Variants in KCNN2 observed in about 807,000 individuals in gnomAD.
The protein encoded by KCNN2 is small conductance calcium-activated potassium channel protein 2.
KCNN2 carries 24 observed loss-of-function variants against 55.5 expected under a neutral mutation model. The observed-to-expected ratio is 0.43, with a 90% CI of 0.31 to 0.61. The LOEUF (loss-of-function observed/expected upper bound fraction) is 0.61, where lower values mean the gene tolerates loss of function less well. Ranked by LOEUF, KCNN2 falls within the 20% of genes least tolerant of loss-of-function variation. The pLI, the probability that KCNN2 is intolerant of heterozygous loss-of-function variation, is 0.08. For missense variants in KCNN2, 754 were observed against 853.6 expected (o/e 0.88, Z 1.45); for synonymous variants, 431 against 336.1 (o/e 1.28, Z -3.09).
intron 1 of KCNN2, among the ~76,000 whole-genome samples, chr5:114,171,957 C>G (rs1753041996): frequency 6.6e-6 from 1 of 151,708 alleles, no homozygotes; most frequent in Non-Finnish European, 1.5e-5. Context: ...TAGTATGGAG[C>G]CCTCTTGTTG....
chr5:114,423,348 A>G (rs891006870), intron 3 of KCNN2, among the ~76,000 whole-genome samples: 10 of 152,216 alleles, frequency 6.6e-5, no homozygotes, highest in African/African-American at 2.4e-4. Flanking sequence ...CAGCCCCCAA[A>G]AAAGACACAA....
intron 1 of KCNN2, among the ~76,000 whole-genome samples, chr5:114,167,951 C>T (rs1752950126): frequency 6.6e-6 from 1 of 152,030 alleles, no homozygotes. Flanking sequence ...TTTTATTTAG[C>T]ATATTGATTT....
chr5:114,229,887 A>G lies in KCNN2; in HGVS notation c.-185+8322A>G, dbSNP rs968675500. ...GGAAGGAGAGGCTGAAACAGAAACA[A>G]ACCCTAGAAATGGACTTAAGCCTGC... is the stretch of plus-strand genomic sequence containing the variant. On this transcript the variant is annotated intron_variant, in intron 2 of 10. Transcript: ENST00000512097. Among the ~76,000 whole-genome samples the G allele has an allele frequency of 2.6e-5, 4 of 152,164 alleles. No homozygotes were observed. In the East Asian group the frequency reaches 5.8e-4, roughly 22 times the overall value.
At chr5:114,452,541 C>G (rs573050514) in intron 3 of KCNN2, among the ~76,000 whole-genome samples, 1 of 152,298 alleles carries the variant, frequency 6.6e-6, no homozygotes, top group East Asian at 1.9e-4. Flanking sequence ...TAGATGTTCA[C>G]CATGTTATTG....
chr5:114,265,339 GT>G (rs1429168208), intron 2 of KCNN2, among the ~76,000 whole-genome samples: 2 of 21,524 alleles, frequency 9.3e-5, no homozygotes, highest in Non-Finnish European at 2.5e-4. Context: ...GTGTGTGTGT[GT>G]GTGTGTGTGT....
upstream of KCNN2, among the ~76,000 whole-genome samples, chr5:114,360,574 T>C (rs910433192): frequency 6.6e-6 from 1 of 152,152 alleles, no homozygotes; most frequent in Non-Finnish European, 1.5e-5. Flanking sequence ...CACAAAGAAA[T>C]GCAAATGTAA....
At chr5:114,298,159 A>G (rs1265731178) in intron 2 of KCNN2, among the ~76,000 whole-genome samples, 1 of 152,236 alleles carries the variant, frequency 6.6e-6, no homozygotes, top group Non-Finnish European at 1.5e-5. Context: ...CAACAGGCTC[A>G]GGAAAAGAAA....
chr5:114,480,889 G>A (rs991008746), intron 5 of KCNN2, among the ~76,000 whole-genome samples: 1 of 152,146 alleles, frequency 6.6e-6, no homozygotes, highest in Non-Finnish European at 1.5e-5. Flanking sequence ...AGCCGTCTAT[G>A]ACAAATCCAC....
At chr5:114,462,877 C>T (rs1490000504) in intron 3 of KCNN2, among the ~76,000 whole-genome samples, 172 bp from the exon 4 acceptor site, 1 of 152,112 alleles carries the variant, frequency 6.6e-6, no homozygotes, top group Non-Finnish European at 1.5e-5. Context: ...TTTCTGATGT[C>T]GTGGATTGCT....
intron 1 of KCNN2, among the ~76,000 whole-genome samples, chr5:114,139,832 T>G (rs1484557197): frequency 1.3e-5 from 2 of 151,920 alleles, no homozygotes; most frequent in Non-Finnish European, 1.5e-5. Flanking sequence ...GTGTATAATA[T>G]CCACAATTAA....
chr5:114,072,317 C>T (rs1191144535), intron 1 of KCNN2, among the ~76,000 whole-genome samples: 2 of 151,620 alleles, frequency 1.3e-5, no homozygotes, highest in Non-Finnish European at 2.9e-5. Context: ...TAATGTCGAT[C>T]CCTTCTTGCT....
rs559278733 is a variant in KCNN2 at position 114,195,357 on chromosome 5, ATTTCT to A, written c.-270-26119_-270-26115del. On this transcript the variant is annotated intron_variant, in intron 1 of 10. Transcript: ENST00000512097. ...TTTCAATTTATTTGGATTTTCTTTAATTTCTTTTAACAATATTTGTAGTTTTAAGG... is the reference window on the plus strand; with the variant it reads ...TTTCAATTTATTTGGATTTTCTTTAATTTAACAATATTTGTAGTTTTAAGG... Among the ~76,000 whole-genome samples the A allele has an allele frequency of 2.9e-3, 442 of 151,966 alleles. 2 individuals carry two copies. The highest frequency in any genetic ancestry group is 0.01 in the African/African-American group (424 of 41,498).
chr5:114,257,738 G>T (rs1226023014), intron 2 of KCNN2, among the ~76,000 whole-genome samples: 2 of 152,132 alleles, frequency 1.3e-5, no homozygotes, highest in African/African-American at 4.8e-5. Flanking sequence ...ATCAGATATA[G>T]AAGTTTTTTG....
chr5:114,489,899 C>T (rs529569467), intron 6 of KCNN2, among the ~76,000 whole-genome samples: 1 of 152,288 alleles, frequency 6.6e-6, no homozygotes, highest in Non-Finnish European at 1.5e-5. Context: ...TCACTCCTGG[C>T]CTCTCCTACT....
chr5:114,173,969 C>G (rs1753090081), intron 1 of KCNN2, among the ~76,000 whole-genome samples: 1 of 151,792 alleles, frequency 6.6e-6, no homozygotes, highest in Non-Finnish European at 1.5e-5. Flanking sequence ...TTTATTTTAA[C>G]TTTTCTGAAA....
chr5:114,343,655 C>G (rs1757057039), intron 2 of KCNN2, among the ~76,000 whole-genome samples: 1 of 151,674 alleles, frequency 6.6e-6, no homozygotes, highest in Non-Finnish European at 1.5e-5. Context: ...TGGACAAAGA[C>G]TTGAATACCA....
intron 1 of KCNN2, among the ~76,000 whole-genome samples, chr5:114,177,093 A>G (rs937657105): frequency 1.3e-5 from 2 of 152,122 alleles, no homozygotes; most frequent in Admixed American, 1.3e-4. Flanking sequence ...ATTATTAAAT[A>G]TAAGATATCA....
chr5:114,351,161 T>C (rs1279890811), intron 2 of KCNN2, among the ~76,000 whole-genome samples: 2 of 151,872 alleles, frequency 1.3e-5, no homozygotes, highest in African/African-American at 4.8e-5. Context: ...GTATCAGTTT[T>C]GTACTTTTGT....
At chr5:114,198,778 GTGGTCTGAGAAGA>G (rs1419721872) in intron 1 of KCNN2, among the ~76,000 whole-genome samples, 1 of 151,806 alleles carries the variant, frequency 6.6e-6, no homozygotes, top group African/African-American at 2.4e-5. Context: ...TTTTTCCACT[GTGGTCTGAGAAGA>G]TACTTGATAT....
Sources: allele counts gnomAD v4.1 joint callset (sites outside exome capture counted in the v4.1 genomes callset), GRCh38; gene constraint gnomAD v4.1.1; transcripts MANE v1.5; gene names NCBI Gene and HGNC (gene_info 2026-07-23, HGNC 2026-07-21).